EYA2: variants seen among roughly 807,000 people sequenced by gnomAD.
EYA2 encodes protein phosphatase EYA2.
A neutral mutation model predicts 69.2 loss-of-function variants in EYA2; 31 were observed. The ratio of observed to expected loss-of-function variants is 0.45; its 90% confidence interval spans 0.34 to 0.60. The LOEUF (loss-of-function observed/expected upper bound fraction) is 0.60, where lower values mean the gene tolerates loss of function less well. EYA2 is among the 20% of genes least tolerant of loss of function. The probability of loss-of-function intolerance (pLI) is 0.02; values close to 1 mark genes in which losing one functional copy is unlikely to be tolerated. For missense variants in EYA2, 622 were observed against 701.2 expected (o/e 0.89, Z 1.28); for synonymous variants, 257 against 279.4 (o/e 0.92, Z 0.80).
intron 1 of EYA2, among the ~76,000 whole-genome samples, chr20:46,918,823 G>T (rs1450335200): frequency 2.0e-5 from 3 of 152,196 alleles, no homozygotes; most frequent in Admixed American, 2.0e-4. Context: ...GAGGAATCAT[G>T]ACCTATGACA....
At chr20:46,965,727 C>T (rs774542557) in intron 1 of EYA2, among the ~76,000 whole-genome samples, 6 of 152,240 alleles carry the variant, frequency 3.9e-5, no homozygotes, top group African/African-American at 1.2e-4. Context: ...CTGGGGTTGG[C>T]GCAGCCTTGC....
chr20:47,130,324 G>C (rs2033310591), intron 9 of EYA2, among the ~76,000 whole-genome samples: 1 of 131,934 alleles, frequency 7.6e-6, no homozygotes, highest in Non-Finnish European at 1.5e-5. Flanking sequence ...GAGTGCAGTG[G>C]CACAATCTCG....
chr20:47,092,450 A>G (rs2032114576), intron 8 of EYA2, among the ~76,000 whole-genome samples: 1 of 152,200 alleles, frequency 6.6e-6, no homozygotes, highest in Non-Finnish European at 1.5e-5. Context: ...TATTGGCGTC[A>G]GGTTGTACTT....
chr20:47,039,677 G>A (rs2146413079), intron 5 of EYA2, among the ~76,000 whole-genome samples: 2 of 152,160 alleles, frequency 1.3e-5, no homozygotes, highest in Middle Eastern at 6.8e-3. Flanking sequence ...CTATTCCTGA[G>A]GCGGGGCATC....
intron 6 of EYA2, among the ~76,000 whole-genome samples, chr20:47,073,516 CTTAA>C (rs1232498860): frequency 6.6e-6 from 1 of 150,652 alleles, no homozygotes; most frequent in Non-Finnish European, 1.5e-5. Flanking sequence ...GCAGTGTGGT[CTTAA>C]TTGTTAATGC....
At chr20:47,104,715 C>A (rs897617519) in intron 9 of EYA2, among the ~76,000 whole-genome samples, 2 of 152,172 alleles carry the variant, frequency 1.3e-5, no homozygotes. Flanking sequence ...ATTGTCTCAA[C>A]ATCCTGTCAG....
chr20:47,047,388 C>G (rs906913482), intron 5 of EYA2, among the ~76,000 whole-genome samples: 6 of 134,414 alleles, frequency 4.5e-5, no homozygotes, highest in African/African-American at 1.7e-4. Context: ...TTTTTTGTCT[C>G]TCTCTCTCTT....
intron 4 of EYA2, among the ~76,000 whole-genome samples, chr20:47,009,962 A>T (rs564855222): frequency 6.6e-6 from 1 of 152,236 alleles, no homozygotes; most frequent in Non-Finnish European, 1.5e-5. Flanking sequence ...ATCCCTGTTC[A>T]TACAAGTAGC....
At position 46,894,960 on chromosome 20, in the gene EYA2, C is replaced by T. The variant is rs1320727831; in HGVS notation, c.-38C>T. 1 of 151,526 alleles carries T rather than the reference C, an allele frequency of 6.6e-6. No individual in the cohort carries two copies. Among genetic ancestry groups the T allele is most frequent in the Non-Finnish European group, 1.5e-5 (1 of 67,886 alleles). 9.4% of individuals were successfully genotyped at this position (151,526 alleles called of 1,614,324 possible). A position where few individuals can be genotyped will look rare whatever the true frequency, so the allele number is the denominator to read the frequency against. Reference sequence around the variant, plus strand: ...CCGGCCCGCCCGCCCGCCCGCACCGCGTCGGGGCGCCCTCTCCACTGCGCG... The same window carrying T: ...CCGGCCCGCCCGCCCGCCCGCACCGTGTCGGGGCGCCCTCTCCACTGCGCG... On this transcript the variant is annotated 5_prime_UTR_variant, in exon 1 of 16. Transcript: ENST00000327619.
At chr20:47,051,826 G>C (rs546410705) in intron 5 of EYA2, among the ~76,000 whole-genome samples, 21 of 152,338 alleles carry the variant, frequency 1.4e-4, no homozygotes, top group African/African-American at 4.8e-4. Context: ...CGATTGAAAG[G>C]AGTCACCGAC....
At chr20:47,079,985 A>G (rs753288876) in intron 7 of EYA2, among the ~76,000 whole-genome samples, 1 of 152,260 alleles carries the variant, frequency 6.6e-6, no homozygotes, top group Non-Finnish European at 1.5e-5. Context: ...AAAAGACTGT[A>G]TGTAACAGGC....
intron 8 of EYA2, among the ~76,000 whole-genome samples, chr20:47,092,170 G>C (rs1017522573): frequency 3.9e-5 from 6 of 152,124 alleles, no homozygotes; most frequent in Non-Finnish European, 8.8e-5. Context: ...GGTCGGTTCT[G>C]ATCACCCTGG....
chr20:46,978,384 A>T (rs1455426325), intron 1 of EYA2: 2 of 348,270 alleles, frequency 5.7e-6, no homozygotes, highest in Non-Finnish European at 1.1e-5. Flanking sequence ...GAAATCGCTT[A>T]CTCAGGGAGA....
chr20:47,003,358 A>G (rs1200497215), intron 3 of EYA2, among the ~76,000 whole-genome samples: 1 of 152,256 alleles, frequency 6.6e-6, no homozygotes, highest in African/African-American at 2.4e-5. Context: ...CCTGGCACGT[A>G]GGCATGAGAA....
chr20:47,175,269 A>C (rs2034404259), intron 12 of EYA2, among the ~76,000 whole-genome samples: 1 of 152,354 alleles, frequency 6.6e-6, no homozygotes, highest in South Asian at 2.1e-4. Flanking sequence ...GTGTTTTAGA[A>C]GGTACACTCG....
intron 1 of EYA2, among the ~76,000 whole-genome samples, chr20:46,936,773 G>A (rs1217396150): frequency 2.6e-5 from 4 of 152,100 alleles, no homozygotes; most frequent in Non-Finnish European, 5.9e-5. Flanking sequence ...CCCGTCCCCC[G>A]CTTTCCCTCG....
intron 1 of EYA2, among the ~76,000 whole-genome samples, chr20:46,969,226 TTTTG>T (rs973225318): frequency 4.0e-5 from 6 of 151,698 alleles, no homozygotes; most frequent in African/African-American, 7.3e-5. Flanking sequence ...TTGGTTTTTT[TTTTG>T]TTTGTTTGTT....
chr20:47,078,321 G>GCA (rs1463391564), intron 7 of EYA2, among the ~76,000 whole-genome samples: 3 of 84,046 alleles, frequency 3.6e-5, no homozygotes, highest in African/African-American at 7.6e-5. Flanking sequence ...GTGCACGTGC[G>GCA]CGCGCGCGCG....
intron 10 of EYA2, among the ~76,000 whole-genome samples, chr20:47,146,791 C>T (rs2033711449): frequency 6.6e-6 from 1 of 152,202 alleles, no homozygotes; most frequent in Non-Finnish European, 1.5e-5. Context: ...CTTCCCGCGT[C>T]CAGCAGCGCT....
Sources: gnomAD v4.1 joint callset for allele counts (sites outside exome capture counted in the v4.1 genomes callset) on GRCh38, gnomAD v4.1.1 for gene constraint, MANE v1.5 for transcripts, NCBI Gene and HGNC (gene_info 2026-07-23, HGNC 2026-07-21) for gene names.